Variants in WDR72 observed in about 807,000 individuals in gnomAD.
The protein encoded by WDR72 is WD repeat domain 72.
A neutral mutation model predicts 124.2 loss-of-function variants in WDR72; 120 were observed. The observed-to-expected ratio is 0.97, with a 90% confidence interval of 0.83 to 1.12. The LOEUF is 1.12. WDR72 is among the 50% of genes most tolerant of loss of function. The pLI is 0.00. For synonymous variants in WDR72, 452 were observed against 441.7 expected (o/e 1.02, Z -0.29); for missense variants, 1,387 against 1,278.8 (o/e 1.08, Z -1.29).
intron 14 of WDR72, among the ~76,000 whole-genome samples, chr15:53,645,015 G>A (rs906920373): frequency 6.6e-6 from 1 of 152,080 alleles, no homozygotes; most frequent in Admixed American, 6.6e-5. Flanking sequence ...CCCACTGACT[G>A]GTAATAAATT....
intron 18 of WDR72, among the ~76,000 whole-genome samples, chr15:53,577,066 G>A (rs1370533298): frequency 6.6e-6 from 1 of 152,118 alleles, no homozygotes; most frequent in Middle Eastern, 3.2e-3. Flanking sequence ...AAGATCCATT[G>A]TTCTTCCAAA....
At chr15:53,709,957 A>G (rs2017486585) in intron 9 of WDR72, among the ~76,000 whole-genome samples, 1 of 152,180 alleles carries the variant, frequency 6.6e-6, no homozygotes, top group African/African-American at 2.4e-5. Context: ...TCTCCATGAA[A>G]TAACGTTTAT....
chr15:53,646,545 G>C (rs542480163), intron 14 of WDR72, among the ~76,000 whole-genome samples: 2 of 152,210 alleles, frequency 1.3e-5, no homozygotes, highest in African/African-American at 4.8e-5. Flanking sequence ...AAGGCCAGTA[G>C]ACTGTTTCAG....
intron 18 of WDR72, among the ~76,000 whole-genome samples, chr15:53,591,450 T>C (rs2012489232): frequency 6.6e-6 from 1 of 152,034 alleles, no homozygotes; most frequent in African/African-American, 2.4e-5. Context: ...CATATCTGCC[T>C]AACTGTAGCT....
chr15:53,761,335 G>A (rs977883542), upstream of WDR72, among the ~76,000 whole-genome samples: 1 of 152,186 alleles, frequency 6.6e-6, no homozygotes, highest in Non-Finnish European at 1.5e-5. Context: ...TGGCAAGGAT[G>A]TGGAGAGAAG....
chr15:53,682,665 G>T (rs1310609005), intron 13 of WDR72, among the ~76,000 whole-genome samples: 1 of 151,986 alleles, frequency 6.6e-6, no homozygotes, highest in Non-Finnish European at 1.5e-5. Context: ...CTAGGGCAGG[G>T]GCAAAATACG....
intron 14 of WDR72, among the ~76,000 whole-genome samples, chr15:53,648,168 CA>C (rs2015109621): frequency 6.6e-6 from 1 of 152,082 alleles, no homozygotes; most frequent in African/African-American, 2.4e-5. Context: ...TAAAAGTTCT[CA>C]ATATCAAATC....
rs372143756 is a variant in WDR72 at position 53,712,739 on chromosome 15, A to G, written c.711+33T>C. 1.4e-5 allele frequency: 22 copies of G among 1,598,320 alleles called. No individual in the cohort carries two copies. The African/African-American group carries it at 1.9e-4, about 14-fold the overall frequency. On this transcript the variant is annotated intron_variant, in intron 7 of 19. Coordinates refer to ENST00000360509, the MANE Select transcript of WDR72 (RefSeq NM_182758.4). Reference sequence around the variant, plus strand: ...AAAACAAAAAAAATTACACTTGTACATCACTGGTATTTATTATGTTACTTT... The same window carrying G: ...AAAACAAAAAAAATTACACTTGTACGTCACTGGTATTTATTATGTTACTTT...
chr15:53,697,909 C>T (rs1052407828), intron 13 of WDR72, among the ~76,000 whole-genome samples: 3 of 152,040 alleles, frequency 2.0e-5, no homozygotes, highest in African/African-American at 7.2e-5. Context: ...CCCGGGTTCA[C>T]GCCATTCTCC....
At chr15:53,546,308 T>C (rs1335908094) in intron 18 of WDR72, among the ~76,000 whole-genome samples, 1 of 152,064 alleles carries the variant, frequency 6.6e-6, no homozygotes, top group East Asian at 1.9e-4. Context: ...ATGTGGCACA[T>C]ATACACCATG....
At chr15:53,724,182 A>C (rs1389802106) in intron 2 of WDR72, among the ~76,000 whole-genome samples, 2 of 152,200 alleles carry the variant, frequency 1.3e-5, no homozygotes, top group East Asian at 3.9e-4. Context: ...TGTTGCTCAA[A>C]GGGTACAAAC....
intron 13 of WDR72, among the ~76,000 whole-genome samples, chr15:53,679,364 C>A (rs74015854): frequency 0.014 from 2,129 of 152,216 alleles, 58 homozygotes; most frequent in African/African-American, 0.049. Context: ...CCACAATCAT[C>A]ATAATAAAAA....
Position 53,615,932 on chromosome 15 carries a change from T to C in WDR72, c.2274A>G (p.Lys758=). 6.2e-7 allele frequency: 1 copy of C among 1,613,458 alleles called. No homozygotes were observed. Among genetic ancestry groups the C allele is most frequent in the East Asian group, 2.2e-5 (1 of 44,852 alleles). The change falls in exon 15 of 20, where the codon AAA becomes AAG. Residue 758 remains lysine (K), a synonymous_variant. Transcript: ENST00000360509. ...TAATGCCATCATTTTCTTCTGAGAA[T>C]TTGATGGTATTATCTCCTTGGGCCA... ...ESLAQGDNTI[K]FSEENDGIKR...
intron 13 of WDR72, among the ~76,000 whole-genome samples, chr15:53,674,030 T>A (rs540436898): frequency 6.6e-6 from 1 of 152,048 alleles, no homozygotes. Flanking sequence ...ACTAATCACA[T>A]AATAGGATAG....
chr15:53,559,470 C>T (rs1291496451), intron 18 of WDR72, among the ~76,000 whole-genome samples: 2 of 152,022 alleles, frequency 1.3e-5, no homozygotes, highest in African/African-American at 4.8e-5. Context: ...GCTTCCTTTC[C>T]TTGCCCTGTC....
chr15:53,567,305 T>C (rs1894336979), intron 18 of WDR72, among the ~76,000 whole-genome samples: 1 of 151,978 alleles, frequency 6.6e-6, no homozygotes, highest in Admixed American at 6.6e-5. Flanking sequence ...GCCTAGACTG[T>C]GTAATATGTA....
At chr15:53,629,279 A>G (rs546918103) in intron 14 of WDR72, among the ~76,000 whole-genome samples, 2 of 152,258 alleles carry the variant, frequency 1.3e-5, no homozygotes, top group South Asian at 2.1e-4. Context: ...ATTTTTCTCT[A>G]GAAATGAGCT....
intron 13 of WDR72, among the ~76,000 whole-genome samples, chr15:53,679,111 AT>A (rs2016287748): frequency 6.6e-6 from 1 of 152,238 alleles, no homozygotes; most frequent in South Asian, 2.1e-4. Flanking sequence ...GAACAGGTAA[AT>A]TCACAGAAAC....
intron 18 of WDR72, among the ~76,000 whole-genome samples, chr15:53,569,746 T>C (rs1413688461): frequency 6.6e-6 from 1 of 152,054 alleles, no homozygotes; most frequent in African/African-American, 2.4e-5. Context: ...AGAGTAATGA[T>C]TTTCTTTATC....
Sources: allele counts gnomAD v4.1 joint callset (sites outside exome capture counted in the v4.1 genomes callset), GRCh38; gene constraint gnomAD v4.1.1; transcripts MANE v1.5; gene names NCBI Gene and HGNC (gene_info 2026-07-23, HGNC 2026-07-21).